RPAIN: variants seen among roughly 807,000 people sequenced by gnomAD.
RPAIN encodes RPA interacting protein, also known as RPA-interacting protein.
A neutral mutation model predicts 30.5 loss-of-function variants in RPAIN; 29 were observed. That is an observed-to-expected ratio of 0.95 (90% CI 0.71 to 1.30). The LOEUF (loss-of-function observed/expected upper bound fraction) is 1.30, where lower values mean the gene tolerates loss of function less well. Ranked by LOEUF, RPAIN falls within the 50% of genes most tolerant of loss-of-function variation. RPAIN has a pLI of 0.00. For missense variants in RPAIN, 247 were observed against 264.7 expected (o/e 0.93, Z 0.46); for synonymous variants, 101 against 93.5 (o/e 1.08, Z -0.46).
chr17:5,430,654 CTT>C (rs1481682744), intron 6 of RPAIN: 1 of 152,370 alleles, frequency 6.6e-6, no homozygotes, highest in East Asian at 1.9e-4. Flanking sequence ...CTGCTTATGT[CTT>C]TGTCCTTGAG....
chr17:5,432,793 AATT>A lies in RPAIN; in HGVS notation c.*223_*225del. ...CAAACTGCCTTGGAGGAGATAAACC[AATT>A]TTATGTCTATCATGTTATACAAAAA... On this transcript the variant is annotated 3_prime_UTR_variant, in exon 7 of 7. Coordinates refer to ENST00000381209, the MANE Select transcript of RPAIN (RefSeq NM_001033002.4). 1.3e-6 allele frequency: 1 copy of A among 794,316 alleles called. No individual in the cohort carries two copies. The allele number at this position is 794,316 out of a possible 1,614,324, so 49.2% of individuals were successfully genotyped here. A position where few individuals can be genotyped will look rare whatever the true frequency, so the allele number is the denominator to read the frequency against.
At chr17:5,428,632 C>A in intron 6 of RPAIN, 1 of 838,634 alleles carries the variant, frequency 1.2e-6, no homozygotes, top group Non-Finnish European at 1.5e-6. Flanking sequence ...GGTCCAAGGG[C>A]TATTCGCTAA....
chr17:5,428,674 A>G (rs569856166), intron 6 of RPAIN: 4 of 883,240 alleles, frequency 4.5e-6, no homozygotes, highest in Non-Finnish European at 5.7e-6. Context: ...GAGGGCCAGG[A>G]ACACAAGTGG....
intron 6 of RPAIN, chr17:5,429,150 A>G: frequency 1.0e-6 from 1 of 985,460 alleles, no homozygotes; most frequent in Non-Finnish European, 1.2e-6. Context: ...CAGAATAAAC[A>G]GGCAGTACCC....
chr17:5,424,668 T>G (rs1447067369), intron 3 of RPAIN, among the ~76,000 whole-genome samples: 2 of 152,204 alleles, frequency 1.3e-5, no homozygotes, highest in Non-Finnish European at 2.9e-5. Flanking sequence ...AATTTCCCCG[T>G]GCCTCAGTTT....
Position 5,432,785 on chromosome 17 carries a change from G to A in RPAIN, c.*214G>A. 1.3e-6 allele frequency: 1 copy of A among 772,858 alleles called. No homozygotes were observed. The allele number at this position is 772,858 out of a possible 1,614,324, so 47.9% of individuals were successfully genotyped here. On this transcript the variant is annotated 3_prime_UTR_variant, in exon 7 of 7. Transcript: ENST00000381209. ...GAAAAAGACAAACTGCCTTGGAGGA[G>A]ATAAACCAATTTTATGTCTATCATG...
At chr17:5,428,767 A>G (rs1915645324) in intron 6 of RPAIN, 5 of 1,000,884 alleles carry the variant, frequency 5.0e-6, no homozygotes, top group African/African-American at 3.5e-5. Flanking sequence ...ATGTGTATGT[A>G]TGTATGTACA....
In RPAIN at chr17:5,426,257, CGGTGTGGT is replaced by C; in HGVS notation, c.454_461del (p.Val152SerfsTer12). On this transcript the variant is annotated frameshift_variant, in exon 5 of 7. Coordinates refer to ENST00000381209, the MANE Select transcript of RPAIN (RefSeq NM_001033002.4). LOFTEE classifies it high-confidence loss of function. Reference sequence around the variant, plus strand: ...CTAGGTACAACCTGAGAATCACAAGCGGTGTGGTGGTGTGTCAGTGTGGCCTGTCCATC... The same window carrying C: ...CTAGGTACAACCTGAGAATCACAAGCGGTGTGTCAGTGTGGCCTGTCCATC... 1 of 1,614,106 alleles carries C rather than the reference CGGTGTGGT, an allele frequency of 6.2e-7. No individual in the cohort carries two copies. The highest frequency in any genetic ancestry group is 8.5e-7 in the Non-Finnish European group (1 of 1,179,952).
At chr17:5,429,529 T>C in intron 6 of RPAIN, 5 of 985,326 alleles carry the variant, frequency 5.1e-6, no homozygotes, top group Non-Finnish European at 6.0e-6. Flanking sequence ...CAGGTCTTTG[T>C]GGTTCCAGTG....
intron 3 of RPAIN, chr17:5,425,492 G>A (rs769632553): frequency 5.4e-6 from 2 of 367,390 alleles, no homozygotes; most frequent in Middle Eastern, 8.8e-4. Context: ...TGCGCCACAT[G>A]CCTGGCTAAT....
intron 3 of RPAIN, among the ~76,000 whole-genome samples, chr17:5,424,042 C>T (rs898149370): frequency 1.3e-5 from 2 of 148,876 alleles, no homozygotes; most frequent in Admixed American, 6.7e-5. Flanking sequence ...GGCTGGAGTG[C>T]AGTGATGTAA....
intron 1 of RPAIN, 83 bp downstream of exon 1, chr17:5,420,374 C>T (rs993644246): frequency 1.6e-6 from 2 of 1,245,110 alleles, no homozygotes; most frequent in Non-Finnish European, 2.3e-6. Flanking sequence ...AGCCCTGCTC[C>T]GTGGAGCAGG....
chr17:5,427,115 T>G (rs1915473421), intron 5 of RPAIN: 1 of 152,174 alleles, frequency 6.6e-6, no homozygotes, highest in African/African-American at 2.4e-5. Flanking sequence ...CCCTGCTGAT[T>G]GGAGAGCTGA....
chr17:5,423,210 A>G lies in RPAIN; in HGVS notation c.313+381A>G, dbSNP rs116254653. The G allele has an allele frequency of 3.2e-3, 551 of 173,306 alleles. 3 individuals are homozygous for G. Among genetic ancestry groups the G allele is most frequent in the African/African-American group, 0.012 (515 of 42,138 alleles). The allele number at this position is 173,306 out of a possible 1,614,324, so 10.7% of individuals were successfully genotyped here. A position where few individuals can be genotyped will look rare whatever the true frequency, so the allele number is the denominator to read the frequency against. On this transcript the variant is annotated intron_variant, in intron 3 of 6. Transcript: ENST00000381209. ...GTTTCTTCTACCATCCTGCCTCTCT[A>G]TTAATGGGTTAATAGTTCACTGAGG...
chr17:5,429,565 C>T (rs1320228084), intron 6 of RPAIN: 2 of 985,320 alleles, frequency 2.0e-6, no homozygotes, highest in East Asian at 1.1e-4. Flanking sequence ...GCTCCAGGCT[C>T]AGGCCTTGGT....
In RPAIN at chr17:5,426,526, G is replaced by A. The variant is rs1051529035; in HGVS notation, c.489+227G>A. 1.2e-4 allele frequency: 59 copies of A among 501,882 alleles called. No individual in the cohort carries two copies. In the South Asian group the frequency reaches 1.4e-3, roughly 12 times the overall value. 31.1% of individuals were successfully genotyped at this position (501,882 alleles called of 1,614,324 possible). On this transcript the variant is annotated intron_variant, in intron 5 of 6. Transcript: ENST00000381209. ...TTTAGGGCCCTGGAGAGCCATCACC[G>A]CTTAACGTTTTTATGGAGACCTCAG...
At chr17:5,423,785 G>T (rs888196906) in intron 3 of RPAIN, among the ~76,000 whole-genome samples, 1 of 151,922 alleles carries the variant, frequency 6.6e-6, no homozygotes, top group African/African-American at 2.4e-5. Context: ...TTTGAGACAG[G>T]GTCTCTGCCC....
chr17:5,429,407 G>A (rs12453142), intron 6 of RPAIN: 1 of 985,222 alleles, frequency 1.0e-6, no homozygotes, highest in Admixed American at 6.1e-5. Flanking sequence ...TGGAGCATTA[G>A]GTTCATGAGG....
At chr17:5,425,309 G>C (rs760034698) in intron 3 of RPAIN, 1 of 455,784 alleles carries the variant, frequency 2.2e-6, no homozygotes, top group South Asian at 1.6e-5. Context: ...GAATCAGCAG[G>C]GTCGTCCTGG....
Sources: allele counts gnomAD v4.1 joint callset (sites outside exome capture counted in the v4.1 genomes callset), GRCh38; gene constraint gnomAD v4.1.1; transcripts MANE v1.5; gene names NCBI Gene and HGNC (gene_info 2026-07-23, HGNC 2026-07-21).